The following RAB27B variants were observed in gnomAD, a reference collection of about 807,000 sequenced individuals.
RAB27B encodes the protein RAB27B, member RAS oncogene family.
In RAB27B, 15 loss-of-function variants were observed where a neutral mutation model predicts 24.6. That is an observed-to-expected ratio of 0.61 (90% CI 0.41 to 0.94). RAB27B has a LOEUF of 0.94. Among genes scored for constraint, RAB27B ranks in the 40% least tolerant of loss-of-function variants. The pLI is 0.00. For synonymous variants in RAB27B, 105 were observed against 92.5 expected (o/e 1.14, Z -0.78); for missense variants, 261 against 266.8 (o/e 0.98, Z 0.15).
intron 2 of RAB27B, among the ~76,000 whole-genome samples, chr18:54,813,217 C>G (rs1388367810): frequency 6.6e-6 from 1 of 152,168 alleles, no homozygotes; most frequent in Non-Finnish European, 1.5e-5. Context: ...TTACCTTCTT[C>G]TATTGCCTAC....
intron 2 of RAB27B, among the ~76,000 whole-genome samples, chr18:54,822,914 A>T (rs920573817): frequency 2.6e-5 from 4 of 152,222 alleles, no homozygotes; most frequent in Non-Finnish European, 5.9e-5. Flanking sequence ...ATGTTCCTCT[A>T]ACATAAGAAG....
chr18:54,816,544 A>T (rs1598926403), intron 2 of RAB27B, among the ~76,000 whole-genome samples: 1 of 152,238 alleles, frequency 6.6e-6, no homozygotes, highest in South Asian at 2.1e-4. Context: ...TTATTTTTTT[A>T]AATTTGAAAC....
chr18:54,754,426 T>G (rs1403361601), intron 2 of RAB27B, among the ~76,000 whole-genome samples: 1 of 152,204 alleles, frequency 6.6e-6, no homozygotes. Flanking sequence ...ATTAGCTATA[T>G]GAATATAAGT....
chr18:54,882,540 C>T (rs551787780), intron 3 of RAB27B, among the ~76,000 whole-genome samples: 228 of 152,248 alleles, frequency 1.5e-3, no homozygotes, highest in Non-Finnish European at 1.7e-3. Context: ...AAGGCCCCTT[C>T]GGGAAGTGTT....
chr18:54,732,684 A>G (rs1255612352), intron 2 of RAB27B, among the ~76,000 whole-genome samples: 2 of 152,342 alleles, frequency 1.3e-5, no homozygotes, highest in South Asian at 2.1e-4. Context: ...TTCAGAGAGC[A>G]TTTAAGAAAT....
rs1475898578 is a variant in RAB27B at position 54,889,079 on chromosome 18, A to C, written c.468-145A>C. ...TTTACTCACTGAGGAAAAAACAAGGATGCTTTCCAACTTAGCCAGCAAAAC... is the reference window on the plus strand; with the variant it reads ...TTTACTCACTGAGGAAAAAACAAGGCTGCTTTCCAACTTAGCCAGCAAAAC... On this transcript the variant is annotated intron_variant, in intron 5 of 5. Coordinates refer to ENST00000262094, the MANE Select transcript of RAB27B (RefSeq NM_004163.4). 4.2e-6 allele frequency: 3 copies of C among 720,660 alleles called. No homozygotes were observed. In the African/African-American group the frequency reaches 5.5e-5, roughly 13 times the overall value. 44.6% of individuals were successfully genotyped at this position (720,660 alleles called of 1,614,324 possible).
intron 4 of RAB27B, among the ~76,000 whole-genome samples, chr18:54,887,041 C>CCCTT (rs1913171270): frequency 8.0e-6 from 1 of 124,408 alleles, no homozygotes; most frequent in Non-Finnish European, 1.7e-5. Flanking sequence ...CTCCCTCCCT[C>CCCTT]CCTTCCTTAC....
chr18:54,769,979 T>C (rs994380562), intron 2 of RAB27B, among the ~76,000 whole-genome samples: 1 of 152,186 alleles, frequency 6.6e-6, no homozygotes, highest in Non-Finnish European at 1.5e-5. Flanking sequence ...GTGATTCTCC[T>C]GCCTCAGCCT....
intron 2 of RAB27B, among the ~76,000 whole-genome samples, chr18:54,817,761 A>C (rs1457150255): frequency 6.6e-6 from 1 of 151,902 alleles, no homozygotes; most frequent in Non-Finnish European, 1.5e-5. Context: ...AGGAGATCTC[A>C]TAAGAATCAC....
intron 1 of RAB27B, among the ~76,000 whole-genome samples, chr18:54,833,234 CTTTT>C (rs559070445): frequency 7.7e-6 from 1 of 129,520 alleles, no homozygotes; most frequent in East Asian, 2.2e-4. Flanking sequence ...TTCTTTCTTT[CTTTT>C]TTTTTTTTTT....
At chr18:54,760,995 C>CTT (rs199850716) in intron 2 of RAB27B, among the ~76,000 whole-genome samples, 12 of 145,894 alleles carry the variant, frequency 8.2e-5, no homozygotes, top group African/African-American at 3.1e-4. Flanking sequence ...GAGAGGTATT[C>CTT]TTTTTTTTTT....
In RAB27B at chr18:54,892,585, A is replaced by G. The variant is rs556650146; in HGVS notation, c.*3172A>G. ...GTATCTAAAATAATCCAGAGAACAT[A>G]ATGTTTGTCTTGGTCTGATAATGAT... On this transcript the variant is annotated 3_prime_UTR_variant, in exon 6 of 6. Coordinates refer to ENST00000262094, the MANE Select transcript of RAB27B (RefSeq NM_004163.4). 3.5e-4 allele frequency: 53 copies of G among 152,192 alleles called. No individual in the cohort carries two copies. Among genetic ancestry groups the G allele is most frequent in the African/African-American group, 1.3e-3 (53 of 41,556 alleles). The allele number at this position is 152,192 out of a possible 1,614,324, so 9.4% of individuals were successfully genotyped here.
chr18:54,753,268 C>A (rs12373262), intron 2 of RAB27B, among the ~76,000 whole-genome samples: 26,971 of 152,034 alleles, frequency 0.18, 2,638 homozygotes, highest in African/African-American at 0.25. Flanking sequence ...TGGCAATGCC[C>A]CTACAAAACT....
intron 2 of RAB27B, among the ~76,000 whole-genome samples, chr18:54,795,232 G>A (rs1380585276): frequency 6.6e-6 from 1 of 151,850 alleles, no homozygotes; most frequent in Non-Finnish European, 1.5e-5. Flanking sequence ...AGACTAGGAA[G>A]TAGCTGTGCT....
rs964041496 is a variant in RAB27B, at chr18:54,879,768, C to T, written c.239+314C>T. ...TAATTGAATGAAGATGGGAAATTAA[C>T]GCCGTTATAAGTGCTACTTGAAGAG... On this transcript the variant is annotated intron_variant, in intron 3 of 5. Coordinates refer to ENST00000262094, the MANE Select transcript of RAB27B (RefSeq NM_004163.4). 13 of 242,542 alleles carry T rather than the reference C, an allele frequency of 5.4e-5. 1 individual carries two copies. The highest frequency in any genetic ancestry group is 2.0e-4 in the Admixed American group (4 of 20,400). 15.0% of individuals were successfully genotyped at this position (242,542 alleles called of 1,614,324 possible).
chr18:54,776,256 C>T (rs998333294), intron 2 of RAB27B, among the ~76,000 whole-genome samples: 7 of 152,238 alleles, frequency 4.6e-5, no homozygotes, highest in East Asian at 3.8e-4. Flanking sequence ...CCATCCCTTC[C>T]GCACACTTTT....
At chr18:54,802,376 C>A (rs1223936943) in intron 2 of RAB27B, among the ~76,000 whole-genome samples, 1 of 151,230 alleles carries the variant, frequency 6.6e-6, no homozygotes, top group African/African-American at 2.4e-5. Context: ...TTCCACTGGA[C>A]TTTGCCCACT....
intron 2 of RAB27B, among the ~76,000 whole-genome samples, chr18:54,738,341 C>A (rs1909964810): frequency 6.6e-6 from 1 of 152,088 alleles, no homozygotes; most frequent in African/African-American, 2.4e-5. Flanking sequence ...CCCATAATCC[C>A]CATGTATTGA....
At chr18:54,846,403 A>C (rs529758898) in intron 1 of RAB27B, among the ~76,000 whole-genome samples, 1 of 152,364 alleles carries the variant, frequency 6.6e-6, no homozygotes, top group African/African-American at 2.4e-5. Flanking sequence ...GTTTGTAGCA[A>C]CTTTATAGAA....
Sources: allele counts gnomAD v4.1 joint callset (sites outside exome capture counted in the v4.1 genomes callset), GRCh38; gene constraint gnomAD v4.1.1; transcripts MANE v1.5; gene names NCBI Gene and HGNC (gene_info 2026-07-23, HGNC 2026-07-21).